COL18A1: variants seen among roughly 807,000 people sequenced by gnomAD.
COL18A1 encodes the protein collagen alpha-1(XVIII) chain.
In COL18A1, 133 loss-of-function variants were observed where a neutral mutation model predicts 168.0. The ratio of observed to expected loss-of-function variants is 0.79; its 90% CI spans 0.69 to 0.91. The LOEUF (loss-of-function observed/expected upper bound fraction) is 0.91. COL18A1 is among the 40% of genes least tolerant of loss of function. COL18A1 has a pLI of 0.00. For synonymous variants in COL18A1, 949 were observed against 809.0 expected, an observed-to-expected ratio of 1.17 and a Z score of -2.94; for missense variants, 2,126 against 1,925.4, an observed-to-expected ratio of 1.10 and a Z score of -1.95.
intron 15 of COL18A1, among the ~76,000 whole-genome samples, chr21:45,485,431 G>A (rs918542431): frequency 7.9e-5 from 12 of 152,002 alleles, no homozygotes; most frequent in Non-Finnish European, 1.3e-4. Flanking sequence ...AGGAGTTCAA[G>A]GCTATAGTAA....
At chr21:45,476,699 TTA>T (rs1400496415) in intron 6 of COL18A1, among the ~76,000 whole-genome samples, 5 of 151,178 alleles carry the variant, frequency 3.3e-5, no homozygotes, top group African/African-American at 4.9e-5. Context: ...TGTGTGATGT[TTA>T]TGTGATGTGT....
At chr21:45,482,147 C>T in intron 14 of COL18A1, 122 bp downstream of exon 14, 1 of 774,156 alleles carries the variant, frequency 1.3e-6, no homozygotes, top group South Asian at 1.5e-5. Context: ...CATCACAGCC[C>T]CACAGCCTGG....
At chr21:45,450,474 C>A (rs1286206177) in intron 2 of COL18A1, among the ~76,000 whole-genome samples, 1 of 152,206 alleles carries the variant, frequency 6.6e-6, no homozygotes. Context: ...ACGGTTGGGG[C>A]CTTCAGCCCG....
Position 45,510,097 on chromosome 21 carries a change from G to A in COL18A1, c.3529G>A (p.Gly1177Ser). 1 of 1,588,822 alleles carries A rather than the reference G, an allele frequency of 6.3e-7. No individual in the cohort carries two copies. The highest frequency in any genetic ancestry group is 8.5e-7 in the Non-Finnish European group (1 of 1,170,474). ...HLVALNSPLS[G>S]GMRGIRGADF... ...GGTTGCGCTCAACAGCCCCCTGTCA[G>A]GCGGCATGCGGGGCATCCGCGGGGC... Residue 1177 changes from glycine to serine, a missense_variant, in exon 40 of 42, where the codon GGC becomes AGC. Coordinates refer to ENST00000651438, the MANE Select transcript of COL18A1 (RefSeq NM_001379500.1).
chr21:45,452,560 ATG>A (rs1335648276), intron 2 of COL18A1, among the ~76,000 whole-genome samples: 1 of 151,474 alleles, frequency 6.6e-6, no homozygotes, highest in Non-Finnish European at 1.5e-5. Flanking sequence ...GTGAGCATTC[ATG>A]TGACACATGT....
Position 45,477,771 on chromosome 21 carries a change from G to T in COL18A1, c.1027G>T (p.Gly343Trp). The T allele has an allele frequency of 2.6e-6, 4 of 1,543,602 alleles. No individual in the cohort carries two copies. The highest frequency in any genetic ancestry group is 3.5e-6 in the Non-Finnish European group (4 of 1,143,894). The change falls in exon 8 of 42, where the codon GGG (glycine) becomes TGG (tryptophan). Residue 343 changes from glycine to tryptophan, a missense_variant. By Grantham distance (184) the Gly-to-Trp change is radical. Transcript: ENST00000651438. ...VKEGGLKGQKGEPGVPGPPGR... is the reference protein window; with the variant it reads ...VKEGGLKGQKWEPGVPGPPGR... ...CCAGGGCGGCCTGAAGGGGCAGAAA[G>T]GGGAGCCAGGTGTTCCGGGCCCACC...
chr21:45,465,150 T>C (rs1249945269), intron 2 of COL18A1, among the ~76,000 whole-genome samples: 1 of 152,242 alleles, frequency 6.6e-6, no homozygotes, highest in Admixed American at 6.5e-5. Context: ...GTATTTCTGC[T>C]TCTCTGTATA....
At chr21:45,512,156 G>A (rs750644124) in intron 41 of COL18A1, 32 bp from the exon 42 acceptor site, 1 of 1,595,700 alleles carries the variant, frequency 6.3e-7, no homozygotes, top group Admixed American at 1.7e-5. Context: ...GAGCAGGTCT[G>A]GGTTTGACTG....
At chr21:45,470,492 G>GTTTTTTTTTTTT (rs71185152) in intron 3 of COL18A1, among the ~76,000 whole-genome samples, 5 of 40,814 alleles carry the variant, frequency 1.2e-4, no homozygotes, top group South Asian at 1.9e-3. Context: ...TTTTTTTTTT[G>GTTTTTTTTTTTT]TTTTTTTTTT....
chr21:45,490,249 C>T (rs778011102), intron 19 of COL18A1, 26 bp from the exon 20 acceptor site: 7 of 1,558,924 alleles, frequency 4.5e-6, no homozygotes, highest in East Asian at 2.4e-5. Context: ...GGCCAATGCC[C>T]TGCGTCCTCC....
At chr21:45,440,244 C>T (rs1426222294) in intron 2 of COL18A1, among the ~76,000 whole-genome samples, 1 of 152,254 alleles carries the variant, frequency 6.6e-6, no homozygotes, top group Non-Finnish European at 1.5e-5. Flanking sequence ...CTGCGTTCTC[C>T]AAGCTCTGCA....
intron 22 of COL18A1, 137 bp downstream of exon 22, chr21:45,491,451 C>T: frequency 2.2e-6 from 1 of 463,792 alleles, no homozygotes; most frequent in Non-Finnish European, 3.9e-6. Flanking sequence ...CACTCCACCT[C>T]CTCGGTGGGG....
chr21:45,442,790 GGGC>G lies in COL18A1; in HGVS notation c.107-25449_107-25447del, dbSNP rs1480697967. On this transcript the variant is annotated intron_variant, in intron 2 of 41. Coordinates refer to ENST00000651438, the MANE Select transcript of COL18A1 (RefSeq NM_001379500.1). ...CTGGTGTGGGCGGCGGTCCTGGTGT[GGGC>G]GGTGGTGGTGCTGGTGTGGGCGGAG... 3.5e-4 allele frequency among the ~76,000 whole-genome samples: 34 copies of G among 97,786 alleles called. 3 individuals are homozygous for G. Among genetic ancestry groups the G allele is most frequent in the African/African-American group, 1.8e-3 (33 of 18,292 alleles). 64.2% of individuals were successfully genotyped at this position (97,786 alleles called of 152,430 possible). A position where few individuals can be genotyped will look rare whatever the true frequency, so the allele number is the denominator to read the frequency against.
In COL18A1 at chr21:45,505,236, G is replaced by A; in HGVS notation, c.2971G>A (p.Gly991Ser). 3.1e-6 allele frequency: 5 copies of A among 1,587,416 alleles called. No homozygotes were observed. Among genetic ancestry groups the A allele is most frequent in the Non-Finnish European group, 4.3e-6 (5 of 1,171,432 alleles). Residue 991 changes from glycine to serine, a missense_variant, in exon 35 of 42, where the codon GGC (glycine) becomes AGC (serine). By Grantham distance (56) the Gly-to-Ser change is moderately conservative. Coordinates refer to ENST00000651438, the MANE Select transcript of COL18A1 (RefSeq NM_001379500.1). ...GCGCCAGGGCCCTCCCGGCCCCCCAGGCCCCCCAGGGCCCCCTTCATTTCC... is the reference window on the plus strand; with the variant it reads ...GCGCCAGGGCCCTCCCGGCCCCCCAAGCCCCCCAGGGCCCCCTTCATTTCC... ...EGRQGPPGPP[G>S]PPGPPSFPGP...
At chr21:45,483,376 G>A (rs2236471) in intron 15 of COL18A1, among the ~76,000 whole-genome samples, 47,679 of 152,174 alleles carry the variant, frequency 0.31, 7,603 homozygotes, top group African/African-American at 0.38. Flanking sequence ...CTCTGGACTC[G>A]GGGCAGCTGC....
Position 45,480,171 on chromosome 21 carries a change from T to C in COL18A1, c.1398+15T>C, listed in dbSNP as rs972096636. 6.8e-7 allele frequency: 1 copy of C among 1,478,598 alleles called. No homozygotes were observed. Among genetic ancestry groups the C allele is most frequent in the African/African-American group, 1.4e-5 (1 of 71,846 alleles). 91.6% of individuals were successfully genotyped at this position (1,478,598 alleles called of 1,614,324 possible). On this transcript the variant is annotated intron_variant, in intron 11 of 41. Coordinates refer to ENST00000651438, the MANE Select transcript of COL18A1 (RefSeq NM_001379500.1). ...ACGACAAGCTGGTAAGTCCCGCCCT[T>C]GGCTTCCTGCGACCCGGGGTCTGCC...
intron 26 of COL18A1, chr21:45,493,889 C>T: frequency 2.4e-6 from 1 of 415,362 alleles, no homozygotes. Context: ...TGCAGGAGCC[C>T]AGGCTGTACC....
rs371901149 is a variant in COL18A1, at chr21:45,476,781, T to TGTG, written c.928+305_928+307dup. Among the ~76,000 whole-genome samples, 239 of 151,466 alleles carry TGTG rather than the reference T, an allele frequency of 1.6e-3. 1 individual carries two copies. Among genetic ancestry groups the TGTG allele is most frequent in the African/African-American group, 5.4e-3 (221 of 41,244 alleles). On this transcript the variant is annotated intron_variant, in intron 6 of 41. Coordinates refer to ENST00000651438, the MANE Select transcript of COL18A1 (RefSeq NM_001379500.1). ...TGTGTGGTGTGTGTATTGTGTGTGGTGTGGTGTGTGTGTTGCGTGTAGTGT... is the reference window on the plus strand; with the variant it reads ...TGTGTGGTGTGTGTATTGTGTGTGGTGTGGTGGTGTGTGTGTTGCGTGTAGTGT...
Position 45,490,172 on chromosome 21 carries a change from C to A in COL18A1, c.1960-103C>A. 3.2e-6 allele frequency: 3 copies of A among 923,686 alleles called. No homozygotes were observed. The East Asian group carries it at 8.1e-5, about 25-fold the overall frequency. The allele number at this position is 923,686 out of a possible 1,614,324, so 57.2% of individuals were successfully genotyped here. ...GCCCACAGGGGTGAGAGAGAGAAGTCCAGGCCATCGCCACGTCCACGGGTG... is the reference window on the plus strand; with the variant it reads ...GCCCACAGGGGTGAGAGAGAGAAGTACAGGCCATCGCCACGTCCACGGGTG... On this transcript the variant is annotated intron_variant, in intron 19 of 41. Coordinates refer to ENST00000651438, the MANE Select transcript of COL18A1 (RefSeq NM_001379500.1).
Sources: allele counts gnomAD v4.1 joint callset (sites outside exome capture counted in the v4.1 genomes callset), GRCh38; gene constraint gnomAD v4.1.1; transcripts MANE v1.5; gene names NCBI Gene and HGNC (gene_info 2026-07-23, HGNC 2026-07-21).